Variants in LRP2 observed in about 807,000 individuals in gnomAD.
LRP2 encodes low-density lipoprotein receptor-related protein 2.
LRP2 carries 172 observed loss-of-function variants against 531.0 expected under a neutral mutation model. That is an observed-to-expected ratio of 0.32 (90% CI 0.29 to 0.37). The LOEUF is 0.37. Ranked by LOEUF, LRP2 falls within the 10% of genes least tolerant of loss-of-function variation. LRP2 has a pLI of 1.00. For synonymous variants in LRP2, 1,992 were observed against 2,027.6 expected (o/e 0.98, Z 0.47); for missense variants, 5,167 against 5,868.3 (o/e 0.88, Z 3.90).
chr2:169,186,117 T>G, intron 49 of LRP2, 98 bp from the exon 50 acceptor site: 1 of 1,051,732 alleles, frequency 9.5e-7, no homozygotes, highest in South Asian at 1.3e-5. Context: ...GTGCCAATTC[T>G]TAATGAATCA....
intron 32 of LRP2, among the ~76,000 whole-genome samples, chr2:169,226,167 A>G (rs1192048092): frequency 6.6e-6 from 1 of 152,220 alleles, no homozygotes; most frequent in Non-Finnish European, 1.5e-5. Flanking sequence ...CTTCTGGAAA[A>G]TACTTGCTGA....
intron 9 of LRP2, among the ~76,000 whole-genome samples, chr2:169,284,802 A>G (rs1378207846): frequency 4.6e-5 from 7 of 152,132 alleles, no homozygotes; most frequent in Admixed American, 4.6e-4. Flanking sequence ...CCTCAGCAGG[A>G]AAAAAAGTAC....
chr2:169,281,075 G>T (rs1263366318), intron 10 of LRP2, among the ~76,000 whole-genome samples: 4 of 152,072 alleles, frequency 2.6e-5, no homozygotes, highest in African/African-American at 9.7e-5. Context: ...GATCAGTAGA[G>T]GACTAGTTAA....
At chr2:169,135,723 C>T (rs1362245063) in intron 76 of LRP2, among the ~76,000 whole-genome samples, 2 of 59,300 alleles carry the variant, frequency 3.4e-5, no homozygotes, top group East Asian at 2.7e-4. Flanking sequence ...CTACAGGGTA[C>T]AGCCATTTAA....
chr2:169,235,784 A>T, intron 29 of LRP2, 56 bp downstream of exon 29: 1 of 1,338,488 alleles, frequency 7.5e-7, no homozygotes, highest in Non-Finnish European at 1.1e-6. Context: ...TACTCGTCTG[A>T]TTTCTACCTA....
chr2:169,359,122 T>C (rs539822862), intron 1 of LRP2, among the ~76,000 whole-genome samples: 78 of 152,264 alleles, frequency 5.1e-4, no homozygotes, highest in African/African-American at 1.7e-3. Context: ...ATTTTCACTG[T>C]CTATATGCTT....
intron 1 of LRP2, among the ~76,000 whole-genome samples, chr2:169,327,014 G>T (rs1307779659): frequency 6.7e-6 from 1 of 148,352 alleles, no homozygotes; most frequent in African/African-American, 2.5e-5. Flanking sequence ...GAGCCCCTCC[G>T]CCCGGCAGCC....
chr2:169,267,114 T>G (rs1683229306), intron 16 of LRP2, among the ~76,000 whole-genome samples: 1 of 151,654 alleles, frequency 6.6e-6, no homozygotes, highest in East Asian at 1.9e-4. Context: ...GGTCTCAAAC[T>G]CCCGGCCTCA....
chr2:169,280,384 T>C lies in LRP2; in HGVS notation c.1307A>G (p.Gln436Arg), dbSNP rs994856301. Residue 436 changes from glutamine (Q) to arginine (R), a missense_variant, in exon 11 of 79, where the codon CAA (glutamine) becomes CGA (arginine). Gln to Arg is a conservative substitution (Grantham distance 43). Around this residue, in one of 6 missense-constraint regions of LRP2, gnomAD observed 2,811 missense variants for 3,058.0 expected, o/e 0.92. Transcript: ENST00000649046. Reference sequence around the variant, plus strand: ...CACGGTGTCTGTCCAAAAAACTCTTTGCAGGTGATAGTGGAAAGCCACACC... The same window carrying C: ...CACGGTGTCTGTCCAAAAAACTCTTCGCAGGTGATAGTGGAAAGCCACACC... Reference protein sequence around the residue: ...AVGVAFHYHLQRVFWTDTVQN... With the variant: ...AVGVAFHYHLRRVFWTDTVQN... 6.2e-7 allele frequency: 1 copy of C among 1,614,178 alleles called. No individual in the cohort carries two copies. Among genetic ancestry groups the C allele is most frequent in the African/African-American group, 1.3e-5 (1 of 75,052 alleles).
At chr2:169,139,713 T>C (rs766336293) in intron 72 of LRP2, 103 bp from the exon 73 acceptor site, 2 of 982,134 alleles carry the variant, frequency 2.0e-6, no homozygotes, top group Non-Finnish European at 3.3e-6. Flanking sequence ...ACTGCATAAA[T>C]TACATGTTGA....
At position 169,283,013 on chromosome 2, in the gene LRP2, A is replaced by G. The variant is rs537688813; in HGVS notation, c.1043-12T>C. The G allele has an allele frequency of 6.2e-7, 1 of 1,613,808 alleles. No individual in the cohort carries two copies. Among genetic ancestry groups the G allele is most frequent in the African/African-American group, 1.3e-5 (1 of 75,022 alleles). On this transcript the variant is annotated splice_polypyrimidine_tract_variant and intron_variant, in intron 9 of 78. Coordinates refer to ENST00000649046, the MANE Select transcript of LRP2 (RefSeq NM_004525.3). ...GCAATCATCAAACTCTGCCATATGG[A>G]AAATACACATTTGTAGTCAAGGTTA...
intron 1 of LRP2, among the ~76,000 whole-genome samples, chr2:169,334,035 G>A (rs73028157): frequency 0.021 from 3,271 of 152,218 alleles, 123 homozygotes; most frequent in African/African-American, 0.074. Context: ...TTTCTGCACA[G>A]ACATGATGAA....
chr2:169,142,570 C>T, intron 71 of LRP2, 104 bp downstream of exon 71: 1 of 1,537,116 alleles, frequency 6.5e-7, no homozygotes, highest in Non-Finnish European at 9.0e-7. Context: ...TCCAGCCATC[C>T]CCACTCTGCT....
chr2:169,232,690 T>C (rs1015821707), intron 30 of LRP2, among the ~76,000 whole-genome samples: 11 of 152,104 alleles, frequency 7.2e-5, no homozygotes, highest in Non-Finnish European at 1.6e-4. Context: ...AAGCAACTCA[T>C]GCAGAGATCT....
rs763512489 is a variant in LRP2 at position 169,209,641 on chromosome 2, C to T, written c.6281G>A (p.Gly2094Glu). 2 of 1,613,744 alleles carry T rather than the reference C, an allele frequency of 1.2e-6. No homozygotes were observed. The highest frequency in any genetic ancestry group is 2.7e-5 in the African/African-American group (2 of 74,898). Residue 2094 changes from glycine to glutamate, a missense_variant and splice_region_variant, in exon 38 of 79, where the codon GGA becomes GAA. Physicochemically the swap from Gly to Glu is moderately conservative, Grantham distance 98 (BLOSUM62 -2). Around this residue, in one of 6 missense-constraint regions of LRP2, gnomAD observed 2,811 missense variants for 3,058.0 expected, o/e 0.92. Transcript: ENST00000649046. ...CACATCCACATGCAGTGCGTTTCGT[C>T]CTGGAAGTTAAGAAAAGATCATTAA... ...SETMVPVAGQGRNALHVDVDV... is the reference protein window; with the variant it reads ...SETMVPVAGQERNALHVDVDV...
chr2:169,290,840 C>G lies in LRP2; in HGVS notation c.922+5G>C. 1 of 1,613,876 alleles carries G rather than the reference C, an allele frequency of 6.2e-7. No homozygotes were observed. The highest frequency in any genetic ancestry group is 1.1e-5 in the South Asian group (1 of 91,052). On this transcript the variant is annotated splice_donor_5th_base_variant and intron_variant, in intron 8 of 78. Transcript: ENST00000649046. ...AAAGCTACCCAGGTAAATGTCTATA[C>G]TCACTACAGTATTTTCCGGTACTAG...
At chr2:169,256,040 A>T in intron 19 of LRP2, 66 bp downstream of exon 19, 1 of 1,534,650 alleles carries the variant, frequency 6.5e-7, no homozygotes, top group Non-Finnish European at 9.0e-7. Flanking sequence ...CCACATGAGG[A>T]TGAGTTTACT....
At chr2:169,139,436 G>A (rs1360555481) in intron 73 of LRP2, 65 bp from the exon 74 acceptor site, 118 of 1,613,844 alleles carry the variant, frequency 7.3e-5, no homozygotes, top group Middle Eastern at 1.6e-4. Context: ...CAGAAACTGG[G>A]GGCTAGAACC....
intron 16 of LRP2, among the ~76,000 whole-genome samples, chr2:169,265,073 C>T (rs1301603262): frequency 6.6e-6 from 1 of 151,946 alleles, no homozygotes; most frequent in Non-Finnish European, 1.5e-5. Flanking sequence ...ATGAAGGCAT[C>T]TATGAAGGAG....
Sources: gnomAD v4.1 joint callset for allele counts (sites outside exome capture counted in the v4.1 genomes callset) on GRCh38, gnomAD v4.1.1 for gene constraint, gnomAD v4.1.1 regional missense constraint, MANE v1.5 for transcripts, NCBI Gene and HGNC (gene_info 2026-07-23, HGNC 2026-07-21) for gene names.